Variants in ABCA7 observed in about 807,000 individuals in gnomAD.
The protein encoded by ABCA7 is ATP binding cassette subfamily A member 7.
In ABCA7, 261 loss-of-function variants were observed where a neutral mutation model predicts 227.6. The observed-to-expected ratio is 1.15, with a 90% CI of 1.04 to 1.27. The LOEUF is 1.27. Ranked by LOEUF, ABCA7 falls within the 50% of genes most tolerant of loss-of-function variation. ABCA7 has a pLI of 0.00. For missense variants in ABCA7, 3,331 were observed against 2,924.5 expected (o/e 1.14, Z -3.21); for synonymous variants, 1,488 against 1,279.7 (o/e 1.16, Z -3.47).
chr19:1,041,023 AAAGCGTT>A (rs2039977388), intron 1 of ABCA7, among the ~76,000 whole-genome samples, 195 bp from the exon 2 acceptor site: 2 of 152,064 alleles, frequency 1.3e-5, no homozygotes, highest in African/African-American at 4.8e-5. Flanking sequence ...CCTGGTGACG[AAAGCGTT>A]AAGCCCAAAC....
At chr19:1,064,278 G>A in intron 45 of ABCA7, 25 bp downstream of exon 45, 2 of 1,539,488 alleles carry the variant, frequency 1.3e-6, no homozygotes, top group Non-Finnish European at 1.7e-6. Flanking sequence ...CCTCCAGGCA[G>A]GTGTGGGGTG....
intron 42 of ABCA7, 121 bp from the exon 43 acceptor site, chr19:1,063,423 T>C: frequency 1.5e-6 from 2 of 1,377,954 alleles, no homozygotes; most frequent in South Asian, 1.3e-5. Context: ...ATTCTCACAT[T>C]TGCCCTGCCC....
Position 1,050,924 on chromosome 19 carries a change from C to T in ABCA7, c.2556C>T (p.Ser852=), listed in dbSNP as rs2041555131. 2.5e-6 allele frequency: 4 copies of T among 1,603,262 alleles called. No homozygotes were observed. The highest frequency in any genetic ancestry group is 3.4e-6 in the Non-Finnish European group (4 of 1,173,744). The change falls in exon 19 of 47, where the codon TCC becomes TCT. Residue 852 remains serine (S), a synonymous_variant. Coordinates refer to ENST00000263094, the MANE Select transcript of ABCA7 (RefSeq NM_019112.4). The part of the protein sequence containing the change: ...HNGAGKTTTL[S]ILSGLFPPSG... Reference sequence around the variant, plus strand: ...TCTGAGACCCCTCTATCCACAGGTCCATCTTGAGTGGCCTCTTCCCACCCA... The same window carrying T: ...TCTGAGACCCCTCTATCCACAGGTCTATCTTGAGTGGCCTCTTCCCACCCA...
chr19:1,063,796 C>A lies in ABCA7; in HGVS notation c.5884C>A (p.Arg1962Ser), dbSNP rs907178445. The A allele has an allele frequency of 5.2e-6, 8 of 1,546,450 alleles. No homozygotes were observed. Among genetic ancestry groups the A allele is most frequent in the Non-Finnish European group, 7.0e-6 (8 of 1,145,528 alleles). The part of the protein sequence containing the change: ...PTTGMDPSAR[R>S]FLWNSLLAVV... ...CACAGGCATGGACCCCAGCGCGCGG[C>A]GCTTCCTTTGGAACAGCCTTTTGGC... The change falls in exon 44 of 47, where the codon CGC becomes AGC. Residue 1962 changes from arginine to serine, a missense_variant. By Grantham distance (110) the Arg-to-Ser change is moderately radical (BLOSUM62 -1). Transcript: ENST00000263094.
chr19:1,043,789 G>C lies in ABCA7; in HGVS notation c.995G>C (p.Gly332Ala). ...GTCCGGGAGGTGTGGGAGATGCTGG[G>C]ACCCCGGATCTTCACCTTCATGAAC... ...RDVREVWEML[G>A]PRIFTFMNDS... The change falls in exon 10 of 47, where the codon GGA becomes GCA. Residue 332 changes from glycine to alanine, a missense_variant. Transcript: ENST00000263094. The C allele has an allele frequency of 6.2e-7, 1 of 1,612,744 alleles. No individual in the cohort carries two copies. The highest frequency in any genetic ancestry group is 1.1e-5 in the South Asian group (1 of 91,026).
At chr19:1,048,608 G>A (rs762219358) in intron 16 of ABCA7, among the ~76,000 whole-genome samples, 12 of 151,190 alleles carry the variant, frequency 7.9e-5, no homozygotes, top group Non-Finnish European at 1.5e-4. Context: ...AGGAGATGGA[G>A]ACCATCCTGG....
Position 1,043,473 on chromosome 19 carries a change from GGTGGGGGCA to G in ABCA7, c.930+2_930+10del. 1 of 1,613,248 alleles carries G rather than the reference GGTGGGGGCA, an allele frequency of 6.2e-7. No individual in the cohort carries two copies. ...CTTTTACCCGGAAGCTCATGGCCCA[GGTGGGGGCA>G]GCCTGGATGCTGGGGTGGGAGGGTG... is the stretch of plus-strand genomic sequence containing the variant. On this transcript the variant is annotated splice_donor_variant and splice_donor_5th_base_variant and intron_variant, in intron 9 of 46. Transcript: ENST00000263094. LOFTEE classifies it high-confidence loss of function.
At position 1,053,698 on chromosome 19, in the gene ABCA7, G is replaced by A. The variant is rs116751652; in HGVS notation, c.3424-90G>A. ...CAGATGTCCCTTGGGAAGGCCTGGGGGACCCATGGTGTAGGAGGGGTGGGG... is the reference window on the plus strand; with the variant it reads ...CAGATGTCCCTTGGGAAGGCCTGGGAGACCCATGGTGTAGGAGGGGTGGGG... On this transcript the variant is annotated intron_variant, in intron 24 of 46. Coordinates refer to ENST00000263094, the MANE Select transcript of ABCA7 (RefSeq NM_019112.4). 1.4e-3 allele frequency: 2,199 copies of A among 1,547,150 alleles called. 46 individuals carry two copies. The African/African-American group carries it at 0.027, about 19-fold the overall frequency.
chr19:1,052,054 G>A lies in ABCA7; in HGVS notation c.3075G>A (p.Leu1025=), dbSNP rs2041690050. ...RLCCCGSPLF[L]RRHLGSGYYL... ...GCTGCTGTGGCTCCCCACTCTTCCTGCGCCGTCACCTGGGCTCCGGCTACT... is the reference window on the plus strand; with the variant it reads ...GCTGCTGTGGCTCCCCACTCTTCCTACGCCGTCACCTGGGCTCCGGCTACT... Residue 1025 remains leucine, a synonymous_variant, in exon 22 of 47, where the codon CTG becomes CTA. Coordinates refer to ENST00000263094, the MANE Select transcript of ABCA7 (RefSeq NM_019112.4). 1.2e-6 allele frequency: 2 copies of A among 1,612,268 alleles called. No individual in the cohort carries two copies.
Position 1,055,194 on chromosome 19 carries a change from C to G in ABCA7, c.4048C>G (p.Pro1350Ala). 1 of 1,611,382 alleles carries G rather than the reference C, an allele frequency of 6.2e-7. No individual in the cohort carries two copies. The highest frequency in any genetic ancestry group is 2.2e-5 in the East Asian group (1 of 44,780). ...SPSPACQCSR[P>A]GARRLLPDCP... Reference sequence around the variant, plus strand: ...ATCCCCAGCCTGCCAGTGTAGCCGGCCCGGTGCCCGGCGCCTGCTGCCCGA... The same window carrying G: ...ATCCCCAGCCTGCCAGTGTAGCCGGGCCGGTGCCCGGCGCCTGCTGCCCGA... The change falls in exon 30 of 47, where the codon CCC becomes GCC. Residue 1350 changes from proline to alanine, a missense_variant. Coordinates refer to ENST00000263094, the MANE Select transcript of ABCA7 (RefSeq NM_019112.4).
rs766315423 is a variant in ABCA7, at chr19:1,058,152, C to T, written c.5032C>T (p.Gln1678Ter). The T allele has an allele frequency of 1.2e-6, 2 of 1,613,942 alleles. No homozygotes were observed. Among genetic ancestry groups the T allele is most frequent in the Non-Finnish European group, 1.7e-6 (2 of 1,179,992 alleles). ...GTCTCCCACCCTTGAGCAGAAGCTG[C>T]AGGAGGTGAGCCGGATCTTGAAACA... ...VLELFSDQKL[Q>*]EVSRILKQVF... is the part of the protein sequence containing the mutation. Residue 1678 changes from glutamine to a stop codon, truncating the protein, a stop_gained, in exon 37 of 47, where the codon CAG becomes TAG. Transcript: ENST00000263094. LOFTEE classifies it high-confidence loss of function.
At position 1,062,266 on chromosome 19, in the gene ABCA7, G is replaced by A. The variant is rs1206221844; in HGVS notation, c.5665G>A (p.Glu1889Lys). 2 of 1,610,882 alleles carry A rather than the reference G, an allele frequency of 1.2e-6. No individual in the cohort carries two copies. Among genetic ancestry groups the A allele is most frequent in the East Asian group, 2.2e-5 (1 of 44,872 alleles). The part of the protein sequence containing the change: ...FELLTGREHL[E>K]LLARLRGVPE... ...GCTGCTGACGGGCCGCGAGCACCTGGAGCTGCTTGCGCGCCTGCGCGGTGT... is the reference window on the plus strand; with the variant it reads ...GCTGCTGACGGGCCGCGAGCACCTGAAGCTGCTTGCGCGCCTGCGCGGTGT... The change falls in exon 42 of 47, where the codon GAG becomes AAG. Residue 1889 changes from glutamate to lysine, a missense_variant. By Grantham distance (56) the Glu-to-Lys change is moderately conservative (BLOSUM62 1). Coordinates refer to ENST00000263094, the MANE Select transcript of ABCA7 (RefSeq NM_019112.4).
Position 1,063,627 on chromosome 19 carries a change from C to G in ABCA7, c.5796C>G (p.Arg1932=), listed in dbSNP as rs776250503. The G allele has an allele frequency of 6.2e-7, 1 of 1,611,380 alleles. No homozygotes were observed. The highest frequency in any genetic ancestry group is 1.7e-5 in the Admixed American group (1 of 59,990). ...GCACCTACAGCGGAGGGAACAAACGCAAGCTGGCGACGGCCCTGGCGCTGG... is the reference window on the plus strand; with the variant it reads ...GCACCTACAGCGGAGGGAACAAACGGAAGCTGGCGACGGCCCTGGCGCTGG... ...PAGTYSGGNK[R]KLATALALVG... is the part of the protein sequence containing the mutation. Residue 1932 remains arginine (R), a synonymous_variant, in exon 43 of 47, where the codon CGC becomes CGG. Transcript: ENST00000263094.
Position 1,051,332 on chromosome 19 carries a change from G to A in ABCA7, c.2824+38G>A, listed in dbSNP as rs745815637. 9.5e-6 allele frequency: 15 copies of A among 1,582,680 alleles called. No homozygotes were observed. The Admixed American group carries it at 2.6e-4, about 27-fold the overall frequency. ...CCAAGGGAGGTCACCTCACAGGGAGGGGCCTGGGGATTCATCCTGAAGGCA... is the reference window on the plus strand; with the variant it reads ...CCAAGGGAGGTCACCTCACAGGGAGAGGCCTGGGGATTCATCCTGAAGGCA... On this transcript the variant is annotated intron_variant, in intron 20 of 46. Coordinates refer to ENST00000263094, the MANE Select transcript of ABCA7 (RefSeq NM_019112.4).
At position 1,056,996 on chromosome 19, in the gene ABCA7, AG is replaced by A. The variant is rs1292359220; in HGVS notation, c.4678del (p.Glu1560SerfsTer95). The A allele has an allele frequency of 6.2e-7, 1 of 1,613,844 alleles. No individual in the cohort carries two copies. Among genetic ancestry groups the A allele is most frequent in the African/African-American group, 1.3e-5 (1 of 74,992 alleles). ...VPASFTLVLI[E>X]ERVTRAKHLQ... The stretch of plus-strand genomic sequence containing the variant: ...GCCAGCTTCACTCTTGTCCTCATTG[AG>A]GAGCGAGTCACCCGAGCCAAGCACC... On this transcript the variant is annotated frameshift_variant, in exon 34 of 47. Transcript: ENST00000263094. LOFTEE classifies it high-confidence loss of function. The surrounding 1 kb of genome is among the most constrained non-coding windows in gnomAD (Gnocchi z 4.3).
Position 1,044,985 on chromosome 19 carries a change from AC to A in ABCA7, c.1216-12del, listed in dbSNP as rs763954501. 1 of 1,611,028 alleles carries A rather than the reference AC, an allele frequency of 6.2e-7. No individual in the cohort carries two copies. Among genetic ancestry groups the A allele is most frequent in the Admixed American group, 1.7e-5 (1 of 59,958 alleles). On this transcript the variant is annotated splice_polypyrimidine_tract_variant and intron_variant, in intron 11 of 46. Transcript: ENST00000263094. ...AGGCGGACCCCAGCGCCTAGGACTCACCCCCGCATCCCACAGTGCCTGTCCT... is the reference window on the plus strand; with the variant it reads ...AGGCGGACCCCAGCGCCTAGGACTCACCCCGCATCCCACAGTGCCTGTCCT...
chr19:1,054,371 TG>T lies in ABCA7; in HGVS notation c.3726+33del. The stretch of plus-strand genomic sequence containing the variant: ...GGAGGGCTAGCACCAGGGAGTCGCA[TG>T]GGAGTCCCTGAGTTCCCTACCCTGG... On this transcript the variant is annotated intron_variant, in intron 27 of 46. Transcript: ENST00000263094. The surrounding 1 kb of genome is among the most constrained non-coding windows in gnomAD (Gnocchi z 4.8). 3 of 1,572,828 alleles carry T rather than the reference TG, an allele frequency of 1.9e-6. No homozygotes were observed. Among genetic ancestry groups the T allele is most frequent in the Non-Finnish European group, 2.6e-6 (3 of 1,163,538 alleles).
In ABCA7 at chr19:1,051,542, C is replaced by A. The variant is rs368475234; in HGVS notation, c.2918C>A (p.Ala973Asp). ...LDEPTAGVDPASRRGIWELLL... is the reference protein window; with the variant it reads ...LDEPTAGVDPDSRRGIWELLL... ...GAGCCTACGGCTGGCGTGGATCCTG[C>A]TTCCCGCCGCGGTATTTGGGAGCTG... Residue 973 changes from alanine (A) to aspartate (D), a missense_variant, in exon 21 of 47, where the codon GCT becomes GAT. Transcript: ENST00000263094. The A allele has an allele frequency of 3.7e-6, 6 of 1,612,504 alleles. No homozygotes were observed. The African/African-American group carries it at 8.0e-5, about 22-fold the overall frequency.
chr19:1,047,769 A>G (rs1473111547), intron 16 of ABCA7, 115 bp downstream of exon 16: 3 of 1,191,186 alleles, frequency 2.5e-6, no homozygotes, highest in Admixed American at 2.9e-5. Context: ...TCCCTTGGAG[A>G]GAAGGCGGGG....
Sources: gnomAD v4.1 joint callset for allele counts (sites outside exome capture counted in the v4.1 genomes callset) on GRCh38, gnomAD v4.1.1 for gene constraint, Gnocchi (gnomAD v3.1) non-coding constraint, MANE v1.5 for transcripts, NCBI Gene and HGNC (gene_info 2026-07-23, HGNC 2026-07-21) for gene names.